Variants in PCGF6 observed in about 807,000 individuals in gnomAD.
The protein encoded by PCGF6 is polycomb group ring finger 6, also known as polycomb group RING finger protein 6.
Under a neutral mutation model 45.5 loss-of-function variants are expected in PCGF6, and 24 were observed. The ratio of observed to expected loss-of-function variants is 0.53; its 90% CI spans 0.38 to 0.74. The LOEUF (loss-of-function observed/expected upper bound fraction) is 0.74, where lower values mean the gene tolerates loss of function less well. PCGF6 is among the 30% of genes least tolerant of loss of function. The pLI is 0.00. For missense variants in PCGF6, 356 were observed against 443.2 expected (o/e 0.80, Z 1.77); for synonymous variants, 152 against 162.1 (o/e 0.94, Z 0.47).
chr10:103,332,513 C>A (rs1292893820), intron 7 of PCGF6, among the ~76,000 whole-genome samples: 2 of 151,850 alleles, frequency 1.3e-5, no homozygotes, highest in Admixed American at 6.6e-5. Context: ...TGGCTCCAAG[C>A]AATCCTCCTG....
chr10:103,321,194 G>C (rs986879334), intron 8 of PCGF6, among the ~76,000 whole-genome samples: 1 of 152,138 alleles, frequency 6.6e-6, no homozygotes, highest in African/African-American at 2.4e-5. Context: ...TTCTTTTTGA[G>C]ACAGGGTCTC....
intron 7 of PCGF6, among the ~76,000 whole-genome samples, chr10:103,327,873 T>A (rs1053385235): frequency 6.6e-6 from 1 of 151,408 alleles, no homozygotes. Context: ...GAGATAGGGT[T>A]TCACTGTTAG....
chr10:103,343,241 A>G (rs1592076360), intron 6 of PCGF6, among the ~76,000 whole-genome samples: 1 of 151,798 alleles, frequency 6.6e-6, no homozygotes, highest in South Asian at 2.1e-4. Flanking sequence ...GGGGTTCTTA[A>G]TAACAGTTGA....
At chr10:103,324,833 T>TA (rs1328298474) in intron 8 of PCGF6, among the ~76,000 whole-genome samples, 5 of 119,692 alleles carry the variant, frequency 4.2e-5, no homozygotes, top group African/African-American at 9.7e-5. Flanking sequence ...TTTTAATCCA[T>TA]AAAAAAAACT....
chr10:103,342,526 G>A (rs1297125378), intron 6 of PCGF6, among the ~76,000 whole-genome samples: 1 of 152,114 alleles, frequency 6.6e-6, no homozygotes, highest in African/African-American at 2.4e-5. Flanking sequence ...GAGCCACCAT[G>A]CCTGGCCAAG....
At chr10:103,338,027 G>A (rs1318187779) in intron 6 of PCGF6, among the ~76,000 whole-genome samples, 1 of 43,664 alleles carries the variant, frequency 2.3e-5, no homozygotes, top group Non-Finnish European at 4.9e-5. Context: ...TCCCGCCACT[G>A]CACTCCAGCC....
chr10:103,320,757 C>T (rs184564851), intron 8 of PCGF6, among the ~76,000 whole-genome samples: 12 of 152,130 alleles, frequency 7.9e-5, no homozygotes, highest in Admixed American at 7.9e-4. Flanking sequence ...TGATCTGCCA[C>T]AAAAAACTTT....
At chr10:103,329,481 A>C (rs1310048427) in intron 7 of PCGF6, among the ~76,000 whole-genome samples, 1 of 151,858 alleles carries the variant, frequency 6.6e-6, no homozygotes, top group Non-Finnish European at 1.5e-5. Flanking sequence ...AAGCATATAC[A>C]TATATATGTT....
chr10:103,308,900 A>T (rs554088588), intron 9 of PCGF6, among the ~76,000 whole-genome samples: 8 of 152,108 alleles, frequency 5.3e-5, no homozygotes, highest in Admixed American at 2.0e-4. Flanking sequence ...AAATAAAAAT[A>T]AAAAAATTAA....
intron 8 of PCGF6, among the ~76,000 whole-genome samples, chr10:103,323,297 C>T (rs983185296): frequency 3.7e-4 from 57 of 152,062 alleles, no homozygotes; most frequent in Non-Finnish European, 1.5e-4. Flanking sequence ...AGCAAACTTT[C>T]AGTCACTTTT....
intron 8 of PCGF6, among the ~76,000 whole-genome samples, chr10:103,323,601 CT>C (rs1221501576): frequency 7.1e-6 from 1 of 141,628 alleles, no homozygotes. Context: ...GGCCCCTTTT[CT>C]TTTTTTTGAT....
rs1358503703 is a variant in PCGF6, at chr10:103,339,809, AAACACACACACACAC to A, written c.782+5200_782+5214del. 5.5e-3 allele frequency among the ~76,000 whole-genome samples: 211 copies of A among 38,688 alleles called. 9 individuals are homozygous for A. The highest frequency in any genetic ancestry group is 0.021 in the Middle Eastern group (2 of 96). The allele number at this position is 38,688 out of a possible 152,430, so 25.4% of individuals were successfully genotyped here. A position where few individuals can be genotyped will look rare whatever the true frequency, so the allele number is the denominator to read the frequency against. On this transcript the variant is annotated intron_variant, in intron 6 of 9. Coordinates refer to ENST00000369847, the MANE Select transcript of PCGF6 (RefSeq NM_001011663.2). ...CGAAATTCTGTCTGTCTCAAAAAAA[AAACACACACACACAC>A]ACACACACACACACACACACACACA...
At chr10:103,322,287 A>T (rs2093200451) in intron 8 of PCGF6, among the ~76,000 whole-genome samples, 1 of 151,916 alleles carries the variant, frequency 6.6e-6, no homozygotes, top group Admixed American at 6.6e-5. Context: ...TGTAGCCTGG[A>T]TCTCCCAGGC....
In PCGF6 at chr10:103,333,953, C is replaced by A; in HGVS notation, c.783-1G>T. 6.5e-7 allele frequency: 1 copy of A among 1,534,988 alleles called. No homozygotes were observed. The highest frequency in any genetic ancestry group is 2.2e-5 in the Admixed American group (1 of 44,592). ...AAAATGTCCCGTGCCTTCATTAGCA[C>A]TGAAAAATGAGAGCAAAATTAATCA... On this transcript the variant is annotated splice_acceptor_variant, in intron 6 of 9. Transcript: ENST00000369847. LOFTEE classifies it high-confidence loss of function.
At chr10:103,349,369 C>G (rs1242874257) in intron 1 of PCGF6, among the ~76,000 whole-genome samples, 1 of 151,646 alleles carries the variant, frequency 6.6e-6, no homozygotes, top group East Asian at 1.9e-4. Context: ...AAACCTTAAA[C>G]CATAATCTCA....
rs1309119212 is a variant in PCGF6, at chr10:103,307,814, A to T, written c.997-3853T>A. On this transcript the variant is annotated intron_variant, in intron 9 of 9. Coordinates refer to ENST00000369847, the MANE Select transcript of PCGF6 (RefSeq NM_001011663.2). ...TGCTTGCACAATCATTAAATTGCCT[A>T]ACAATGCATTTCTCAGAACATATCC... Among the ~76,000 whole-genome samples the T allele has an allele frequency of 3.9e-5, 6 of 152,222 alleles. No homozygotes were observed. The South Asian group carries it at 8.3e-4, about 21-fold the overall frequency.
intron 6 of PCGF6, among the ~76,000 whole-genome samples, chr10:103,339,328 T>A (rs2093269896): frequency 6.6e-6 from 1 of 152,070 alleles, no homozygotes; most frequent in African/African-American, 2.4e-5. Flanking sequence ...AGGCAGAGGC[T>A]GCAGTAACCT....
intron 5 of PCGF6, among the ~76,000 whole-genome samples, 183 bp from the exon 6 acceptor site, chr10:103,345,315 G>A (rs2093295302): frequency 6.6e-6 from 1 of 152,050 alleles, no homozygotes; most frequent in South Asian, 2.1e-4. Context: ...GGCAAGCCTG[G>A]GGACCACTCC....
Position 103,338,378 on chromosome 10 carries a change from CA to C in PCGF6, c.783-4427del, listed in dbSNP as rs1166538018. Among the ~76,000 whole-genome samples the C allele has an allele frequency of 4.8e-3, 729 of 150,468 alleles. 2 individuals are homozygous for C. Among genetic ancestry groups the C allele is most frequent in the African/African-American group, 0.015 (622 of 40,968 alleles). ...CTAACATGGTGAAACCCTGTCTCTA[CA>C]AAAAAACAAAAAAAAATTAGCCGGG... On this transcript the variant is annotated intron_variant, in intron 6 of 9. Transcript: ENST00000369847.
Sources: gnomAD v4.1 joint callset for allele counts (sites outside exome capture counted in the v4.1 genomes callset) on GRCh38, gnomAD v4.1.1 for gene constraint, MANE v1.5 for transcripts, NCBI Gene and HGNC (gene_info 2026-07-23, HGNC 2026-07-21) for gene names.